Variants in RGS7 observed in about 807,000 individuals in gnomAD.
The protein encoded by RGS7 is regulator of G-protein signaling 7.
Under a neutral mutation model 81.1 loss-of-function variants are expected in RGS7, and 27 were observed. That is an observed-to-expected ratio of 0.33 (90% CI 0.25 to 0.46). RGS7 has a LOEUF of 0.46. RGS7 is among the 20% of genes least tolerant of loss of function. RGS7 has a pLI of 1.00. For missense variants in RGS7, 396 were observed against 607.4 expected (o/e 0.65, Z 3.66); for synonymous variants, 208 against 207.7 (o/e 1.00, Z -0.01).
intron 6 of RGS7, among the ~76,000 whole-genome samples, chr1:240,907,680 A>G (rs1033132453): frequency 2.0e-5 from 3 of 152,200 alleles, no homozygotes; most frequent in African/African-American, 7.2e-5. Flanking sequence ...GTCTCTAAAC[A>G]TCCCACGTTG....
At chr1:241,044,468 G>A (rs1374143440) in intron 3 of RGS7, among the ~76,000 whole-genome samples, 1 of 152,084 alleles carries the variant, frequency 6.6e-6, no homozygotes, top group Admixed American at 6.6e-5. Flanking sequence ...TGTTTCCCTG[G>A]CTGGAGTGCA....
intron 6 of RGS7, among the ~76,000 whole-genome samples, chr1:240,914,942 G>T (rs184443991): frequency 3.5e-4 from 53 of 152,268 alleles, no homozygotes; most frequent in Admixed American, 1.3e-4. Flanking sequence ...AACTGCAACT[G>T]ATTAGTTGTT....
At chr1:241,240,591 A>C (rs1405270103) in intron 2 of RGS7, among the ~76,000 whole-genome samples, 1 of 152,206 alleles carries the variant, frequency 6.6e-6, no homozygotes, top group South Asian at 2.1e-4. Context: ...GAGGCTGCCC[A>C]ATGCATGTGT....
intron 3 of RGS7, among the ~76,000 whole-genome samples, chr1:241,007,078 A>C (rs11801724): frequency 6.6e-6 from 1 of 151,804 alleles, no homozygotes; most frequent in Non-Finnish European, 1.5e-5. Flanking sequence ...CACCATGCCC[A>C]GCTATTTTTT....
At chr1:241,063,567 G>C (rs2061860227) in intron 3 of RGS7, among the ~76,000 whole-genome samples, 1 of 152,128 alleles carries the variant, frequency 6.6e-6, no homozygotes, top group African/African-American at 2.4e-5. Context: ...TAAAGGTACA[G>C]GATTTATTTA....
intron 2 of RGS7, among the ~76,000 whole-genome samples, chr1:241,224,380 A>C (rs1370016158): frequency 2.0e-5 from 3 of 151,962 alleles, no homozygotes; most frequent in Non-Finnish European, 2.9e-5. Flanking sequence ...GTTTGCTGAG[A>C]ATGATGGCTT....
rs2077909558 is a variant in RGS7 at position 241,271,781 on chromosome 1, C to G, written c.78+83918G>C. Among the ~76,000 whole-genome samples, 1 of 152,066 alleles carries G rather than the reference C, an allele frequency of 6.6e-6. No individual in the cohort carries two copies. Among genetic ancestry groups the G allele is most frequent in the Non-Finnish European group, 1.5e-5 (1 of 68,006 alleles). ...AGCATCATTTCTGGTTCTCAGGACT[C>G]TGGAATCAGACTAATTACACCACCA... On this transcript the variant is annotated intron_variant, in intron 2 of 18. Coordinates refer to ENST00000440928, the MANE Select transcript of RGS7 (RefSeq NM_001364886.1). The surrounding 1 kb of genome is among the most constrained non-coding windows in gnomAD (Gnocchi z 4.6).
At chr1:241,322,479 C>T (rs1321156943) in intron 2 of RGS7, among the ~76,000 whole-genome samples, 1 of 152,222 alleles carries the variant, frequency 6.6e-6, no homozygotes, top group Non-Finnish European at 1.5e-5. Context: ...AGCAGCTTAT[C>T]TGCCACTTAT....
chr1:241,020,748 G>T (rs528925758), intron 3 of RGS7, among the ~76,000 whole-genome samples: 1 of 152,214 alleles, frequency 6.6e-6, no homozygotes, highest in African/African-American at 2.4e-5. Flanking sequence ...CTTCTATATT[G>T]CCCTAGAAGA....
intron 9 of RGS7, among the ~76,000 whole-genome samples, chr1:240,855,556 T>C (rs1221423512): frequency 6.6e-6 from 1 of 151,672 alleles, no homozygotes; most frequent in South Asian, 2.1e-4. Flanking sequence ...CATTTCAGCA[T>C]AGTTTTTCTC....
At chr1:240,986,026 T>A (rs1258095023) in intron 3 of RGS7, among the ~76,000 whole-genome samples, 1 of 151,946 alleles carries the variant, frequency 6.6e-6, no homozygotes, top group Non-Finnish European at 1.5e-5. Flanking sequence ...TCACATATAA[T>A]GTATATGTAG....
At chr1:241,155,662 G>A (rs2069072697) in intron 2 of RGS7, among the ~76,000 whole-genome samples, 1 of 151,444 alleles carries the variant, frequency 6.6e-6, no homozygotes, top group Non-Finnish European at 1.5e-5. Flanking sequence ...GTTGTCAAAG[G>A]TTAAGTATGT....
intron 1 of RGS7, among the ~76,000 whole-genome samples, chr1:241,356,470 C>A (rs1230608977): frequency 6.6e-6 from 1 of 152,190 alleles, no homozygotes; most frequent in Admixed American, 6.5e-5. Flanking sequence ...GGTAATCCTG[C>A]CTAATTTTTG....
chr1:241,157,624 G>C (rs945093771), intron 2 of RGS7, among the ~76,000 whole-genome samples: 1 of 151,998 alleles, frequency 6.6e-6, no homozygotes, highest in Non-Finnish European at 1.5e-5. Flanking sequence ...TATCTGCTAG[G>C]GGTCAGCAAA....
chr1:240,904,402 T>C (rs1302026742), intron 6 of RGS7, among the ~76,000 whole-genome samples: 4 of 152,160 alleles, frequency 2.6e-5, no homozygotes, highest in Non-Finnish European at 5.9e-5. Flanking sequence ...CACACTCAAG[T>C]GTGAGAATAA....
chr1:241,355,590 T>C (rs2083511190), intron 2 of RGS7, 109 bp downstream of exon 2: 1 of 929,004 alleles, frequency 1.1e-6, no homozygotes. Flanking sequence ...ACTGATGATC[T>C]GGGAAATCCA....
rs994610526 is a variant in RGS7 at position 241,005,587 on chromosome 1, T to G, written c.176-22458A>C. Reference sequence around the variant, plus strand: ...GTCTCACACTGTCGCCCAGGCTGGATTGCAGTGGTGTGATCTCGGCTCGCT... The same window carrying G: ...GTCTCACACTGTCGCCCAGGCTGGAGTGCAGTGGTGTGATCTCGGCTCGCT... On this transcript the variant is annotated intron_variant, in intron 3 of 18. Transcript: ENST00000440928. Among the ~76,000 whole-genome samples the G allele has an allele frequency of 2.6e-4, 40 of 152,262 alleles. 1 individual carries two copies. Among genetic ancestry groups the G allele is most frequent in the Admixed American group, 2.3e-3 (35 of 15,288 alleles).
At chr1:240,997,779 G>A (rs929971542) in intron 3 of RGS7, among the ~76,000 whole-genome samples, 2 of 152,194 alleles carry the variant, frequency 1.3e-5, no homozygotes, top group African/African-American at 2.4e-5. Context: ...AGCGGAGATC[G>A]TGCCACTGCA....
intron 7 of RGS7, 59 bp downstream of exon 7, chr1:240,869,996 G>C: frequency 7.5e-7 from 1 of 1,330,106 alleles, no homozygotes; most frequent in Non-Finnish European, 1.1e-6. Context: ...AGAAAAGGCT[G>C]TGGGCCTTAC....
Sources: allele counts gnomAD v4.1 joint callset (sites outside exome capture counted in the v4.1 genomes callset), GRCh38; gene constraint gnomAD v4.1.1; non-coding constraint Gnocchi (gnomAD v3.1); transcripts MANE v1.5; gene names NCBI Gene and HGNC (gene_info 2026-07-23, HGNC 2026-07-21).